The following NCALD variants were observed in gnomAD, a reference collection of about 807,000 sequenced individuals.
The protein encoded by NCALD is neurocalcin delta.
Under a neutral mutation model 18.6 loss-of-function variants are expected in NCALD, and 10 were observed. That is an observed-to-expected ratio of 0.54 (90% confidence interval 0.33 to 0.91). The LOEUF (loss-of-function observed/expected upper bound fraction) is 0.91. Ranked by LOEUF, NCALD falls within the 40% of genes least tolerant of loss-of-function variation. The probability of loss-of-function intolerance (pLI) is 0.03; values close to 1 mark genes in which losing one functional copy is unlikely to be tolerated. For synonymous variants in NCALD, 88 were observed against 87.4 expected, an observed-to-expected ratio of 1.01 and a Z score of -0.04; for missense variants, 184 against 247.6, an observed-to-expected ratio of 0.74 and a Z score of 1.72.
chr8:101,736,887 G>A (rs992340570), intron 1 of NCALD, among the ~76,000 whole-genome samples: 19 of 152,280 alleles, frequency 1.2e-4, no homozygotes, highest in Middle Eastern at 3.4e-3. Flanking sequence ...GAACAAATTG[G>A]ATGCCACTGA....
At chr8:102,036,309 AT>A (rs1011414914) in intron 1 of NCALD, among the ~76,000 whole-genome samples, 2 of 151,536 alleles carry the variant, frequency 1.3e-5, no homozygotes, top group African/African-American at 4.8e-5. Context: ...CAGAAAAAAA[AT>A]AAATAAATAA....
chr8:101,963,286 C>G (rs1819901103), intron 2 of NCALD, among the ~76,000 whole-genome samples: 1 of 152,162 alleles, frequency 6.6e-6, no homozygotes, highest in South Asian at 2.1e-4. Context: ...GCTCCAGAAC[C>G]TAAGAAACTA....
At chr8:101,812,243 A>G (rs1197942330) in intron 4 of NCALD, among the ~76,000 whole-genome samples, 1 of 152,196 alleles carries the variant, frequency 6.6e-6, no homozygotes. Context: ...GCCCCTTATT[A>G]CTATCACCAA....
chr8:101,716,072 T>C (rs940496650), intron 2 of NCALD, among the ~76,000 whole-genome samples: 1 of 152,210 alleles, frequency 6.6e-6, no homozygotes, highest in African/African-American at 2.4e-5. Context: ...CCAACCCAAA[T>C]GCCCACCAAT....
At chr8:101,968,490 G>A (rs549497558) in intron 2 of NCALD, among the ~76,000 whole-genome samples, 54 of 152,218 alleles carry the variant, frequency 3.5e-4, no homozygotes, top group African/African-American at 1.3e-3. Context: ...TCATCTCTTT[G>A]AGGTCAGTGT....
At chr8:101,824,834 G>T (rs1288236403) in intron 4 of NCALD, among the ~76,000 whole-genome samples, 2 of 152,128 alleles carry the variant, frequency 1.3e-5, no homozygotes, top group African/African-American at 4.8e-5. Flanking sequence ...CCCACATTTG[G>T]CTGGCAGGCA....
intron 3 of NCALD, chr8:101,690,976 G>C (rs777737956): frequency 6.1e-5 from 60 of 985,308 alleles, no homozygotes; most frequent in Non-Finnish European, 7.1e-5. Flanking sequence ...ATTCAGAGTT[G>C]GCTCCTAGGA....
intron 4 of NCALD, among the ~76,000 whole-genome samples, chr8:101,867,018 A>G (rs1661669233): frequency 6.6e-6 from 1 of 151,892 alleles, no homozygotes; most frequent in African/African-American, 2.4e-5. Flanking sequence ...ACTATCCCCC[A>G]TCTCTGTTCT....
chr8:101,916,972 T>C (rs1324783616), intron 2 of NCALD, among the ~76,000 whole-genome samples: 1 of 152,072 alleles, frequency 6.6e-6, no homozygotes, highest in African/African-American at 2.4e-5. Flanking sequence ...TATCTGGACT[T>C]AAATTTGACA....
intron 4 of NCALD, among the ~76,000 whole-genome samples, chr8:101,805,854 C>T (rs768471620): frequency 6.6e-6 from 1 of 152,152 alleles, no homozygotes; most frequent in Admixed American, 6.5e-5. Flanking sequence ...GGGATGAGAA[C>T]AAGCCTCAAA....
intron 2 of NCALD, among the ~76,000 whole-genome samples, chr8:101,988,108 T>C (rs1454531501): frequency 6.9e-4 from 89 of 129,322 alleles, no homozygotes; most frequent in African/African-American, 2.6e-3. Context: ...TGAGCCGAGA[T>C]CGCGCCACTG....
At position 101,835,476 on chromosome 8, in the gene NCALD, G is replaced by A. The variant is rs572903267; in HGVS notation, c.-20+51665C>T. Among the ~76,000 whole-genome samples, 370 of 152,324 alleles carry A rather than the reference G, an allele frequency of 2.4e-3. 1 individual carries two copies. Among genetic ancestry groups the A allele is most frequent in the African/African-American group, 8.4e-3 (349 of 41,564 alleles). On this transcript the variant is annotated intron_variant, in intron 4 of 6. Transcript: ENST00000311028. ...TTGCTAAACCCTCTACAATGCACAG[G>A]ACAAGTCCTCACAACCAAGAATTCT...
intron 2 of NCALD, among the ~76,000 whole-genome samples, chr8:101,696,747 T>C (rs1815011276): frequency 6.6e-6 from 1 of 152,306 alleles, no homozygotes. Flanking sequence ...GTTCAGAGAA[T>C]TGAAAAGTAG....
chr8:101,895,358 A>G (rs925797322), intron 3 of NCALD, among the ~76,000 whole-genome samples: 2 of 142,322 alleles, frequency 1.4e-5, no homozygotes, highest in African/African-American at 2.9e-5. Context: ...TTGATGGGAC[A>G]TATTTCAAAA....
At chr8:101,806,115 T>C (rs894693061) in intron 4 of NCALD, among the ~76,000 whole-genome samples, 2 of 152,168 alleles carry the variant, frequency 1.3e-5, no homozygotes, top group Admixed American at 6.5e-5. Flanking sequence ...TGAAAATAAA[T>C]AGTGAAGGCT....
intron 2 of NCALD, among the ~76,000 whole-genome samples, chr8:101,970,793 T>C (rs1820211489): frequency 6.6e-6 from 1 of 152,172 alleles, no homozygotes; most frequent in Admixed American, 6.5e-5. Flanking sequence ...CCTTGAGGTG[T>C]CCTAAAGATG....
At chr8:101,794,595 T>C (rs1812568703), upstream of NCALD, among the ~76,000 whole-genome samples, 1 of 152,216 alleles carries the variant, frequency 6.6e-6, no homozygotes. Flanking sequence ...GCTGTTGATG[T>C]TGGAAAATTT....
chr8:101,719,167 C>A, intron 2 of NCALD, 85 bp downstream of exon 2: 3 of 1,502,418 alleles, frequency 2.0e-6, no homozygotes, highest in South Asian at 2.7e-5. Context: ...CAGTTTGCAA[C>A]CTCTGCACCG....
chr8:101,898,033 G>C (rs151275600), intron 3 of NCALD, among the ~76,000 whole-genome samples: 1 of 152,160 alleles, frequency 6.6e-6, no homozygotes, highest in African/African-American at 2.4e-5. Context: ...TCTTCTCCTC[G>C]ATGCCACCAT....
Sources: gnomAD v4.1 joint callset for allele counts (sites outside exome capture counted in the v4.1 genomes callset) on GRCh38, gnomAD v4.1.1 for gene constraint, MANE v1.5 for transcripts, NCBI Gene and HGNC (gene_info 2026-07-23, HGNC 2026-07-21) for gene names.